Variants in ZDHHC14 observed in about 807,000 individuals in gnomAD.
The protein encoded by ZDHHC14 is palmitoyltransferase ZDHHC14.
ZDHHC14 carries 16 observed loss-of-function variants against 47.7 expected under a neutral mutation model. The ratio of observed to expected loss-of-function variants is 0.34; its 90% CI spans 0.23 to 0.51. ZDHHC14 has a LOEUF of 0.51. ZDHHC14 is among the 20% of genes least tolerant of loss of function. The pLI, the probability that ZDHHC14 is intolerant of heterozygous loss-of-function variation, is 0.97. For synonymous variants in ZDHHC14, 293 were observed against 278.9 expected (o/e 1.05, Z -0.50); for missense variants, 515 against 662.5 (o/e 0.78, Z 2.44).
intron 1 of ZDHHC14, among the ~76,000 whole-genome samples, chr6:157,425,072 A>G (rs937650428): frequency 2.6e-5 from 4 of 152,190 alleles, no homozygotes; most frequent in Admixed American, 2.0e-4. Context: ...AGATTAATTT[A>G]GGAAGCATTG....
intron 1 of ZDHHC14, among the ~76,000 whole-genome samples, chr6:157,495,525 A>G (rs938117468): frequency 6.6e-6 from 1 of 152,092 alleles, no homozygotes; most frequent in African/African-American, 2.4e-5. Flanking sequence ...CCCCAGAAGC[A>G]GGACAACAAA....
chr6:157,419,316 A>G (rs904038349), intron 1 of ZDHHC14, among the ~76,000 whole-genome samples: 2 of 152,218 alleles, frequency 1.3e-5, no homozygotes, highest in Non-Finnish European at 2.9e-5. Flanking sequence ...GCCTAATGTC[A>G]TGTGCCCATC....
Position 157,459,543 on chromosome 6 carries a change from T to G in ZDHHC14, c.245+77277T>G. On this transcript the variant is annotated intron_variant, in intron 1 of 8. Transcript: ENST00000359775. ...GTGGGCGGCCCTCGCTGGTGAATGC[T>G]GCCTGTAAACTGATAAGGGAAGAGT... 1.3e-5 allele frequency among the ~76,000 whole-genome samples: 2 copies of G among 152,202 alleles called. 1 individual carries two copies. The highest frequency in any genetic ancestry group is 2.9e-5 in the Non-Finnish European group (2 of 68,030).
At chr6:157,668,787 A>C (rs1029694467) in intron 8 of ZDHHC14, among the ~76,000 whole-genome samples, 5 of 152,210 alleles carry the variant, frequency 3.3e-5, no homozygotes, top group African/African-American at 1.2e-4. Flanking sequence ...TCAAGTCCTT[A>C]AGCTTCACCC....
At chr6:157,517,862 G>A (rs775305773) in intron 1 of ZDHHC14, among the ~76,000 whole-genome samples, 7 of 152,212 alleles carry the variant, frequency 4.6e-5, no homozygotes, top group Admixed American at 1.3e-4. Flanking sequence ...ACCTACAGAG[G>A]AGGGTTTTTA....
chr6:157,632,971 C>T (rs937780501), intron 5 of ZDHHC14, 89 bp downstream of exon 5: 1 of 1,391,454 alleles, frequency 7.2e-7, no homozygotes, highest in African/African-American at 1.4e-5. Context: ...ATCTTCTGCC[C>T]CGGCCTTGCT....
chr6:157,493,035 C>G (rs1779968234), intron 1 of ZDHHC14, among the ~76,000 whole-genome samples: 1 of 152,004 alleles, frequency 6.6e-6, no homozygotes, highest in Admixed American at 6.5e-5. Flanking sequence ...AGGGGAGTCA[C>G]CTTTTAGGTT....
intron 1 of ZDHHC14, among the ~76,000 whole-genome samples, chr6:157,515,484 C>T (rs1457486087): frequency 8.0e-6 from 1 of 125,410 alleles, no homozygotes; most frequent in Non-Finnish European, 1.6e-5. Flanking sequence ...TTTTTGGAGA[C>T]GGAGTCTTGC....
intron 3 of ZDHHC14, among the ~76,000 whole-genome samples, chr6:157,596,259 C>T (rs1784124826): frequency 6.6e-6 from 1 of 152,026 alleles, no homozygotes; most frequent in African/African-American, 2.4e-5. Flanking sequence ...CAGAGTTGGC[C>T]ATGATCTTAT....
intron 1 of ZDHHC14, among the ~76,000 whole-genome samples, chr6:157,413,535 AT>A (rs113900941): frequency 0.011 from 1,671 of 147,726 alleles, 28 homozygotes; most frequent in African/African-American, 0.038. Context: ...TTTCAGAAAG[AT>A]TTTTTTTTTC....
At chr6:157,520,541 A>T (rs1780876717) in intron 1 of ZDHHC14, among the ~76,000 whole-genome samples, 2 of 152,262 alleles carry the variant, frequency 1.3e-5, no homozygotes, top group East Asian at 3.8e-4. Flanking sequence ...TAAAAAATGC[A>T]TAATAACGTG....
chr6:157,490,101 T>C (rs1033782374), intron 1 of ZDHHC14, among the ~76,000 whole-genome samples: 3 of 152,034 alleles, frequency 2.0e-5, no homozygotes, highest in African/African-American at 7.3e-5. Context: ...AGTTTCTAGA[T>C]AGAGAAACAC....
intron 3 of ZDHHC14, among the ~76,000 whole-genome samples, chr6:157,594,537 T>C (rs749217489): frequency 6.6e-6 from 1 of 152,194 alleles, no homozygotes; most frequent in Non-Finnish European, 1.5e-5. Context: ...AATAAATGAA[T>C]GAACAGGTGG....
chr6:157,514,594 G>T (rs959017814), intron 1 of ZDHHC14, among the ~76,000 whole-genome samples: 1 of 152,260 alleles, frequency 6.6e-6, no homozygotes, highest in Non-Finnish European at 1.5e-5. Context: ...TTGCTAGGCA[G>T]TGAATATTGA....
chr6:157,668,494 G>A (rs188696430), intron 8 of ZDHHC14, among the ~76,000 whole-genome samples: 131 of 148,264 alleles, frequency 8.8e-4, no homozygotes, highest in African/African-American at 3.2e-3. Context: ...GACCAGCCTG[G>A]CCAACACAGT....
chr6:157,398,031 CCCCCAGCTCCCCAGCT>C (rs1327048874), intron 1 of ZDHHC14, among the ~76,000 whole-genome samples: 3 of 150,966 alleles, frequency 2.0e-5, no homozygotes, highest in African/African-American at 7.3e-5. Flanking sequence ...GCCCCTCAGC[CCCCCAGCTCCCCAGCT>C]CCCCAGCCCC....
intron 1 of ZDHHC14, among the ~76,000 whole-genome samples, chr6:157,467,536 T>C (rs1019873315): frequency 6.7e-6 from 1 of 149,320 alleles, no homozygotes; most frequent in Non-Finnish European, 1.5e-5. Flanking sequence ...TATTTATTTA[T>C]TTATTTATTT....
At chr6:157,580,376 T>A (rs1010050143) in intron 2 of ZDHHC14, among the ~76,000 whole-genome samples, 6 of 152,198 alleles carry the variant, frequency 3.9e-5, no homozygotes, top group African/African-American at 1.4e-4. Context: ...GTTGCATCTC[T>A]GCCTGGTTTT....
chr6:157,417,763 G>T (rs1778011919), intron 1 of ZDHHC14, among the ~76,000 whole-genome samples: 1 of 152,246 alleles, frequency 6.6e-6, no homozygotes. Context: ...GGCGGATCAC[G>T]CTAATGTGGT....
Sources: allele counts gnomAD v4.1 joint callset (sites outside exome capture counted in the v4.1 genomes callset), GRCh38; gene constraint gnomAD v4.1.1; transcripts MANE v1.5; gene names NCBI Gene and HGNC (gene_info 2026-07-23, HGNC 2026-07-21).